LRRC56: variants seen among roughly 807,000 people sequenced by gnomAD.
LRRC56 encodes the protein leucine-rich repeat-containing protein 56.
LRRC56 carries 41 observed loss-of-function variants against 47.8 expected under a neutral mutation model. The ratio of observed to expected loss-of-function variants is 0.86; its 90% CI spans 0.67 to 1.11. The LOEUF (loss-of-function observed/expected upper bound fraction) is 1.11, where lower values mean the gene tolerates loss of function less well. LRRC56 is among the 50% of genes most tolerant of loss of function. The pLI is 0.00. For missense variants in LRRC56, 759 were observed against 704.2 expected (o/e 1.08, Z -0.88); for synonymous variants, 387 against 311.2 (o/e 1.24, Z -2.56).
chr11:548,879 G>C (rs1852220470), intron 6 of LRRC56, among the ~76,000 whole-genome samples: 1 of 152,248 alleles, frequency 6.6e-6, no homozygotes, highest in Admixed American at 6.5e-5. Context: ...CTGACACCCA[G>C]CCTAATGGCT....
chr11:551,200 G>T lies in LRRC56; in HGVS notation c.694G>T (p.Val232Leu). 6.5e-7 allele frequency: 1 copy of T among 1,546,874 alleles called. No individual in the cohort carries two copies. The highest frequency in any genetic ancestry group is 8.7e-7 in the Non-Finnish European group (1 of 1,144,800). Residue 232 changes from valine to leucine, a missense_variant, in exon 9 of 14, where the codon GTG becomes TTG. Transcript: ENST00000270115. ...TCCCCAGCTGCAGGTCCTGGACGAA[G>T]TGCCGGCCGCACACACAGGCCCACC... ...LIPQLQVLDE[V>L]PAAHTGPPAP... is the part of the protein sequence containing the mutation.
At chr11:516,392 C>CAA in the LRRC56 span, among the ~76,000 whole-genome samples, 1 of 138,268 alleles carries the variant, frequency 7.2e-6, no homozygotes, top group Non-Finnish European at 1.6e-5. Context: ...GCCTCCATCT[C>CAA]AAAAAAAAAA....
At chr11:528,251 C>T in the LRRC56 span, among the ~76,000 whole-genome samples, 489 of 152,342 alleles carry the variant, frequency 3.2e-3, 1 homozygote, top group African/African-American at 0.01. Context: ...ATCACTCCAT[C>T]GTAAGGAGGC....
upstream of LRRC56, among the ~76,000 whole-genome samples, chr11:533,012 TTTGACCAC>T (rs1219610315): frequency 3.4e-3 from 516 of 152,236 alleles, 4 homozygotes; most frequent in African/African-American, 0.012. Flanking sequence ...CTGGCCAGGG[TTTGACCAC>T]CCTGCACCCA....
chr11:527,645 C>T, the LRRC56 span, among the ~76,000 whole-genome samples: 8 of 151,988 alleles, frequency 5.3e-5, no homozygotes, highest in Admixed American at 3.9e-4. Flanking sequence ...CATTCTCCTG[C>T]CTCAGCCTCC....
Position 541,134 on chromosome 11 carries a change from A to G in LRRC56, c.177+273A>G, listed in dbSNP as rs561207456. Among the ~76,000 whole-genome samples, 746 of 152,304 alleles carry G rather than the reference A, an allele frequency of 4.9e-3. 2 individuals are homozygous for G. Among genetic ancestry groups the G allele is most frequent in the Non-Finnish European group, 7.7e-3 (527 of 68,010 alleles). ...GTCACAGACAGGACTGAGCCAGGCCAGAACCCACAAGTAGGGGCTGAGCAT... is the reference window on the plus strand; with the variant it reads ...GTCACAGACAGGACTGAGCCAGGCCGGAACCCACAAGTAGGGGCTGAGCAT... On this transcript the variant is annotated intron_variant, in intron 4 of 13. Transcript: ENST00000270115. The surrounding 1 kb of genome is among the most constrained non-coding windows in gnomAD (Gnocchi z 4.1).
chr11:508,390 C>T, the LRRC56 span, among the ~76,000 whole-genome samples: 1 of 152,212 alleles, frequency 6.6e-6, no homozygotes, highest in East Asian at 1.9e-4. Context: ...TTGAATTGGG[C>T]TCAAGTGATC....
Position 552,607 on chromosome 11 carries a change from G to T in LRRC56, c.1220G>T (p.Gly407Val). The change falls in exon 13 of 14, where the codon GGG becomes GTG. Residue 407 changes from glycine (G) to valine (V), a missense_variant. Gly to Val is a moderately radical substitution (Grantham distance 109). Coordinates refer to ENST00000270115, the MANE Select transcript of LRRC56 (RefSeq NM_198075.4). ...PYRHPESQQE[G>V]AVAPWGPRRV... ...AGGCACCCGGAGTCCCAACAGGAAGGGGCTGTAGCCCCCTGGGGCCCACGG... is the reference window on the plus strand; with the variant it reads ...AGGCACCCGGAGTCCCAACAGGAAGTGGCTGTAGCCCCCTGGGGCCCACGG... 1 of 1,609,812 alleles carries T rather than the reference G, an allele frequency of 6.2e-7. No homozygotes were observed. The highest frequency in any genetic ancestry group is 2.2e-5 in the East Asian group (1 of 44,800).
At chr11:528,309 C>T in the LRRC56 span, among the ~76,000 whole-genome samples, 17 of 152,320 alleles carry the variant, frequency 1.1e-4, no homozygotes, top group Non-Finnish European at 2.5e-4. Context: ...GGGCAGGCGG[C>T]GCCCGGGACA....
chr11:521,991 T>G, the LRRC56 span, among the ~76,000 whole-genome samples: 1 of 151,854 alleles, frequency 6.6e-6, no homozygotes, highest in African/African-American at 2.4e-5. Flanking sequence ...GAAGATAAGA[T>G]ACAGGAAACA....
rs1176369637 is a variant in LRRC56, at chr11:551,891, T to C, written c.974-12T>C. 1.2e-6 allele frequency: 2 copies of C among 1,612,384 alleles called. No individual in the cohort carries two copies. Among genetic ancestry groups the C allele is most frequent in the Admixed American group, 1.7e-5 (1 of 59,970 alleles). ...GGCCCCGAACCAGGCCCAGCCATGCTGTCTCTTGCAGGTGCTGGCCAAGTC... is the reference window on the plus strand; with the variant it reads ...GGCCCCGAACCAGGCCCAGCCATGCCGTCTCTTGCAGGTGCTGGCCAAGTC... On this transcript the variant is annotated splice_polypyrimidine_tract_variant and intron_variant, in intron 10 of 13. Coordinates refer to ENST00000270115, the MANE Select transcript of LRRC56 (RefSeq NM_198075.4).
chr11:522,906 G>A, the LRRC56 span, among the ~76,000 whole-genome samples: 10 of 151,980 alleles, frequency 6.6e-5, no homozygotes, highest in South Asian at 2.1e-4. Context: ...GTGCTTCCAC[G>A]CCCGGCTAAT....
At chr11:522,064 CA>C in the LRRC56 span, among the ~76,000 whole-genome samples, 1 of 151,986 alleles carries the variant, frequency 6.6e-6, no homozygotes, top group African/African-American at 2.4e-5. Context: ...ACATTAAATG[CA>C]AATGGTCCAA....
upstream of LRRC56, chr11:532,550 ACCGCAGG>A: frequency 4.5e-6 from 7 of 1,551,594 alleles, no homozygotes; most frequent in South Asian, 8.1e-5. Context: ...GAGGCTGCTG[ACCGCAGG>A]CCAGGAGACC....
At chr11:517,838 G>A in the LRRC56 span, among the ~76,000 whole-genome samples, 2 of 152,234 alleles carry the variant, frequency 1.3e-5, no homozygotes, top group Non-Finnish European at 2.9e-5. Flanking sequence ...AAATTCTTCT[G>A]TCTTGGGATG....
chr11:518,280 C>G, the LRRC56 span, among the ~76,000 whole-genome samples: 2 of 151,606 alleles, frequency 1.3e-5, no homozygotes, highest in Non-Finnish European at 1.5e-5. Context: ...CTCCCGGGTT[C>G]ACGCCATTCT....
intron 6 of LRRC56, among the ~76,000 whole-genome samples, chr11:546,714 C>T (rs1011377296): frequency 7.9e-5 from 12 of 152,096 alleles, no homozygotes; most frequent in Admixed American, 7.2e-4. Context: ...CAGACGACAC[C>T]GCGAACGAGA....
At chr11:528,474 G>C in the LRRC56 span, 5 of 152,094 alleles carry the variant, frequency 3.3e-5, no homozygotes, top group Non-Finnish European at 7.4e-5. Context: ...TCCAGCAAGG[G>C]GGGACATTCA....
At chr11:547,794 T>G (rs1254555894) in intron 6 of LRRC56, among the ~76,000 whole-genome samples, 1 of 152,066 alleles carries the variant, frequency 6.6e-6, no homozygotes, top group Non-Finnish European at 1.5e-5. Flanking sequence ...CAAAACAAAA[T>G]AGTTCCAAAG....
Sources: gnomAD v4.1 joint callset for allele counts (sites outside exome capture counted in the v4.1 genomes callset) on GRCh38, gnomAD v4.1.1 for gene constraint, Gnocchi (gnomAD v3.1) non-coding constraint, MANE v1.5 for transcripts, NCBI Gene and HGNC (gene_info 2026-07-23, HGNC 2026-07-21) for gene names.